The following EIF4G2 variants were observed in gnomAD, a reference collection of about 807,000 sequenced individuals.
EIF4G2 encodes eukaryotic translation initiation factor 4 gamma 2.
Under a neutral mutation model 117.7 loss-of-function variants are expected in EIF4G2, and 8 were observed. The ratio of observed to expected loss-of-function variants is 0.07; its 90% CI spans 0.04 to 0.12. EIF4G2 has a LOEUF of 0.12. Among genes scored for constraint, EIF4G2 ranks in the 10% least tolerant of loss-of-function variants. The pLI is 1.00. For synonymous variants in EIF4G2, 413 were observed against 367.8 expected, an observed-to-expected ratio of 1.12 and a Z score of -1.41; for missense variants, 812 against 1,086.2, an observed-to-expected ratio of 0.75 and a Z score of 3.55.
chr11:10,805,953 C>A lies in EIF4G2; in HGVS notation c.202G>T (p.Ala68Ser). 2.5e-6 allele frequency: 4 copies of A among 1,613,954 alleles called. No individual in the cohort carries two copies. The highest frequency in any genetic ancestry group is 3.4e-6 in the Non-Finnish European group (4 of 1,179,934). The change falls in exon 4 of 22, where the codon GCA (alanine) becomes TCA (serine). Residue 68 changes from alanine (A) to serine (S), a missense_variant. Ala to Ser is a moderately conservative substitution (Grantham distance 99, BLOSUM62 1). This residue lies in a region of EIF4G2 where 79 missense variants were observed against 91.5 expected (regional missense o/e 0.86). Coordinates refer to ENST00000339995, the MANE Select transcript of EIF4G2 (RefSeq NM_001418.4). The stretch of plus-strand genomic sequence containing the variant: ...GCATCATGTCGTTCTTTTTCGTTTG[C>A]GGAGTTGTTTGCTGCGGAGTTGTCA...
rs752085338 is a variant in EIF4G2, at chr11:10,803,625, A to G, written c.703-35T>C. 14 of 1,564,000 alleles carry G rather than the reference A, an allele frequency of 9.0e-6. No individual in the cohort carries two copies. On this transcript the variant is annotated intron_variant, in intron 8 of 21. Coordinates refer to ENST00000339995, the MANE Select transcript of EIF4G2 (RefSeq NM_001418.4). This position sits in a 1 kb window ranked among gnomAD's most constrained non-coding sequence, Gnocchi z 4.0. ...TAAAAGGCCATGGTGACAAAGTTTT[A>G]GTTACTCTGGTTTAGGCGTAGTACT...
At chr11:10,799,876 G>C (rs1389260049) in intron 18 of EIF4G2, 120 bp from the exon 19 acceptor site, 66 of 1,281,024 alleles carry the variant, frequency 5.2e-5, no homozygotes, top group Non-Finnish European at 6.9e-5. Context: ...GCAGAATAGA[G>C]AACCAACCCA....
At chr11:10,799,149 C>G (rs755191016) in intron 20 of EIF4G2, 36 bp from the exon 21 acceptor site, 7 of 1,593,266 alleles carry the variant, frequency 4.4e-6, no homozygotes, top group Non-Finnish European at 6.0e-6. Context: ...AAGTAATAAG[C>G]CCATTATTTA....
chr11:10,799,945 C>A, intron 18 of EIF4G2, 145 bp downstream of exon 18: 1 of 1,169,830 alleles, frequency 8.5e-7, no homozygotes, highest in Non-Finnish European at 1.2e-6. Flanking sequence ...ATAAATCTCT[C>A]TTTATAGGTG....
chr11:10,807,980 G>A (rs934360972), intron 1 of EIF4G2: 1 of 1,030,530 alleles, frequency 9.7e-7, no homozygotes. Flanking sequence ...TCCCACCCAG[G>A]CGCAAGTTAG....
chr11:10,801,435 C>A, intron 14 of EIF4G2: 1 of 678,448 alleles, frequency 1.5e-6, no homozygotes, highest in South Asian at 1.6e-5. Context: ...TTTTGACAAC[C>A]AGTTTTCTTG....
At position 10,803,184 on chromosome 11, in the gene EIF4G2, C is replaced by T. The variant is rs2270620; in HGVS notation, c.897+27G>A. On this transcript the variant is annotated intron_variant, in intron 10 of 21. Transcript: ENST00000339995. The surrounding 1 kb of genome is among the most constrained non-coding windows in gnomAD (Gnocchi z 4.0). ...TTCCTAAACCAAAAACTCAGCTTAC[C>T]AACAAATTTAAAGAAACCAGTATTA... The T allele has an allele frequency of 0.59, 949,091 of 1,606,846 alleles. 287,440 individuals are homozygous for T. Among genetic ancestry groups the T allele is most frequent in the South Asian group, 0.7 (62,820 of 89,118 alleles).
In EIF4G2 at chr11:10,803,691, T is replaced by G; in HGVS notation, c.703-101A>C. The G allele has an allele frequency of 8.3e-7, 1 of 1,202,386 alleles. No individual in the cohort carries two copies. Among genetic ancestry groups the G allele is most frequent in the South Asian group, 1.3e-5 (1 of 76,422 alleles). The allele number at this position is 1,202,386 out of a possible 1,614,324, so 74.5% of individuals were successfully genotyped here. A position where few individuals can be genotyped will look rare whatever the true frequency, so the allele number is the denominator to read the frequency against. The stretch of plus-strand genomic sequence containing the variant: ...TTTGCACTGACTCATTCACAGTTCC[T>G]ACAGAATCTAGTATAGGGCTTTCTA... On this transcript the variant is annotated intron_variant, in intron 8 of 21. Transcript: ENST00000339995. This position sits in a 1 kb window ranked among gnomAD's most constrained non-coding sequence, Gnocchi z 4.0.
intron 14 of EIF4G2, 171 bp from the exon 15 acceptor site, chr11:10,801,258 A>T: frequency 1.2e-6 from 1 of 844,514 alleles, no homozygotes. Context: ...CAAAAAATTT[A>T]AAGATCTGAT....
Position 10,800,247 on chromosome 11 carries a change from C to T in EIF4G2, c.1962G>A (p.Glu654=). Residue 654 remains glutamate (E), a synonymous_variant, in exon 18 of 22, where the codon GAG becomes GAA. Coordinates refer to ENST00000339995, the MANE Select transcript of EIF4G2 (RefSeq NM_001418.4). ...GAGCTAGTTCTGAAATGCTCACCAG[C>T]TCTGAAATGATGGCACGAGCTGCAA... 1 of 1,614,192 alleles carries T rather than the reference C, an allele frequency of 6.2e-7. No homozygotes were observed. The highest frequency in any genetic ancestry group is 1.1e-5 in the South Asian group (1 of 91,084).
intron 13 of EIF4G2, 104 bp downstream of exon 13, chr11:10,801,945 T>C: frequency 4.1e-6 from 2 of 491,676 alleles, no homozygotes; most frequent in South Asian, 5.7e-5. Context: ...AATAAAGTGA[T>C]GTGATTTTAC....
At chr11:10,801,471 C>T in intron 14 of EIF4G2, 190 bp downstream of exon 14, 1 of 736,190 alleles carries the variant, frequency 1.4e-6, no homozygotes. Context: ...GGAGACTTGC[C>T]CTCATATCTC....
intron 14 of EIF4G2, chr11:10,801,448 C>T (rs775932054): frequency 2.8e-6 from 2 of 706,926 alleles, no homozygotes; most frequent in South Asian, 3.1e-5. Context: ...TTTTCTTGCT[C>T]TAACAGACTT....
chr11:10,804,225 T>A, intron 6 of EIF4G2, 22 bp from the exon 7 acceptor site: 1 of 1,613,352 alleles, frequency 6.2e-7, no homozygotes, highest in Non-Finnish European at 8.5e-7. Context: ...GACATTGTCA[T>A]GCTTTATTAA....
In EIF4G2 at chr11:10,806,112, TCTTA is replaced by T; in HGVS notation, c.108-69_108-66del. On this transcript the variant is annotated intron_variant, in intron 3 of 21. Coordinates refer to ENST00000339995, the MANE Select transcript of EIF4G2 (RefSeq NM_001418.4). Reference sequence around the variant, plus strand: ...ACCAAATGTTAAACATCATAAATTCTCTTACATAGAAAAAAGTAATTTAGGCTTT... The same window carrying T: ...ACCAAATGTTAAACATCATAAATTCTCATAGAAAAAAGTAATTTAGGCTTT... 6.3e-6 allele frequency: 10 copies of T among 1,599,276 alleles called. No individual in the cohort carries two copies. In the South Asian group the frequency reaches 1.1e-4, roughly 18 times the overall value.
At chr11:10,799,913 A>G in intron 18 of EIF4G2, 157 bp from the exon 19 acceptor site, 1 of 1,151,174 alleles carries the variant, frequency 8.7e-7, no homozygotes, top group Non-Finnish European at 1.2e-6. Context: ...CAACATACGG[A>G]TCAAATGAAA....
At chr11:10,800,383 G>C (rs374189706) in intron 17 of EIF4G2, 35 bp from the exon 18 acceptor site, 2 of 1,612,282 alleles carry the variant, frequency 1.2e-6, no homozygotes, top group Non-Finnish European at 1.7e-6. Flanking sequence ...ATCAGTTTTC[G>C]AATTTGAGTG....
chr11:10,800,529 A>G lies in EIF4G2; in HGVS notation c.1763T>C (p.Leu588Pro), dbSNP rs756568235. 1 of 1,614,064 alleles carries G rather than the reference A, an allele frequency of 6.2e-7. No homozygotes were observed. The highest frequency in any genetic ancestry group is 8.5e-7 in the Non-Finnish European group (1 of 1,180,044). ...ATCTTCATCGCTTCTATCTAGTGAC[A>G]GGATGATTACTTTGCTTAACATCTC... The change falls in exon 17 of 22, where the codon CTG (leucine) becomes CCG (proline). Residue 588 changes from leucine to proline, a missense_variant. This residue lies in a region of EIF4G2 where 571 missense variants were observed against 642.3 expected (regional missense o/e 0.89). Coordinates refer to ENST00000339995, the MANE Select transcript of EIF4G2 (RefSeq NM_001418.4).
chr11:10,804,880 C>A (rs1162480623), intron 5 of EIF4G2, 33 bp downstream of exon 5: 12 of 1,551,130 alleles, frequency 7.7e-6, no homozygotes, highest in Non-Finnish European at 1.1e-5. Flanking sequence ...AGTTCCCTCT[C>A]CCTTTTGAGT....
Sources: gnomAD v4.1 joint callset for allele counts on GRCh38, gnomAD v4.1.1 for gene constraint, gnomAD v4.1.1 regional missense constraint, Gnocchi (gnomAD v3.1) non-coding constraint, MANE v1.5 for transcripts, NCBI Gene and HGNC (gene_info 2026-07-23, HGNC 2026-07-21) for gene names.